YAP1: variants seen among roughly 807,000 people sequenced by gnomAD.
The protein encoded by YAP1 is transcriptional coactivator YAP1.
In YAP1, 5 loss-of-function variants were observed where a neutral mutation model predicts 56.9. That is an observed-to-expected ratio of 0.09 (90% CI 0.05 to 0.18). YAP1 has a LOEUF of 0.18. Ranked by LOEUF, YAP1 falls within the 10% of genes least tolerant of loss-of-function variation. YAP1 has a pLI of 1.00. For missense variants in YAP1, 539 were observed against 651.8 expected, an observed-to-expected ratio of 0.83 and a Z score of 1.88; for synonymous variants, 265 against 248.1, an observed-to-expected ratio of 1.07 and a Z score of -0.64.
intron 5 of YAP1, 82 bp downstream of exon 5, chr11:102,206,156 A>G (rs1003469206): frequency 1.3e-6 from 2 of 1,494,532 alleles, no homozygotes; most frequent in Admixed American, 1.9e-5. Flanking sequence ...TTTAACATTT[A>G]TTAGTTACAG....
chr11:102,216,966 TTG>T (rs1272270054), intron 6 of YAP1, among the ~76,000 whole-genome samples: 1 of 152,226 alleles, frequency 6.6e-6, no homozygotes, highest in South Asian at 2.1e-4. Context: ...CCCATTGAGC[TTG>T]TAAATCTTAG....
chr11:102,212,516 C>G (rs1393087378), intron 6 of YAP1, among the ~76,000 whole-genome samples: 1 of 152,152 alleles, frequency 6.6e-6, no homozygotes, highest in Admixed American at 6.5e-5. Context: ...ATTTATTATA[C>G]TATGTTGGCA....
At chr11:102,114,539 A>T in intron 2 of YAP1, 145 bp downstream of exon 2, 1 of 1,057,368 alleles carries the variant, frequency 9.5e-7, no homozygotes, top group Non-Finnish European at 1.3e-6. Flanking sequence ...TATCTTCCAT[A>T]TATATGTTTC....
intron 2 of YAP1, among the ~76,000 whole-genome samples, chr11:102,148,215 T>G (rs556289837): frequency 2.9e-4 from 44 of 152,290 alleles, no homozygotes; most frequent in Non-Finnish European, 3.8e-4. Flanking sequence ...TTAGTTGACT[T>G]GTAAGAGATT....
chr11:102,187,683 GAA>G (rs938397890), intron 4 of YAP1, among the ~76,000 whole-genome samples: 19 of 151,974 alleles, frequency 1.3e-4, no homozygotes, highest in African/African-American at 4.6e-4. Context: ...GCTTTTTAAA[GAA>G]AAAAATTTTT....
intron 6 of YAP1, among the ~76,000 whole-genome samples, chr11:102,215,432 A>G (rs1323399037): frequency 2.6e-5 from 4 of 152,228 alleles, no homozygotes; most frequent in South Asian, 2.1e-4. Context: ...GCTTTAAGAA[A>G]GTAACACTGA....
intron 3 of YAP1, among the ~76,000 whole-genome samples, chr11:102,175,544 A>T (rs751174019): frequency 6.6e-6 from 1 of 152,326 alleles, no homozygotes; most frequent in East Asian, 1.9e-4. Context: ...AATGACTGGG[A>T]TAAGTTCTGA....
At chr11:102,210,012 C>G (rs1377085759) in intron 6 of YAP1, among the ~76,000 whole-genome samples, 1 of 152,138 alleles carries the variant, frequency 6.6e-6, no homozygotes, top group Non-Finnish European at 1.5e-5. Flanking sequence ...AAAATTCTTT[C>G]TAGTGGACAT....
At chr11:102,159,306 G>C (rs1382620836) in intron 2 of YAP1, among the ~76,000 whole-genome samples, 2 of 152,124 alleles carry the variant, frequency 1.3e-5, no homozygotes, top group Non-Finnish European at 2.9e-5. Flanking sequence ...GCAGCAGGAG[G>C]GTCTCCGTTC....
chr11:102,181,680 G>A (rs777463440), intron 3 of YAP1, among the ~76,000 whole-genome samples: 1 of 152,178 alleles, frequency 6.6e-6, no homozygotes, highest in African/African-American at 2.4e-5. Flanking sequence ...CCTAGCAGAC[G>A]TGACTGTGTA....
intron 8 of YAP1, among the ~76,000 whole-genome samples, chr11:102,228,527 CG>C (rs1565292472): frequency 2.7e-5 from 4 of 148,020 alleles, no homozygotes; most frequent in East Asian, 2.1e-4. Flanking sequence ...CCCAGCTACT[CG>C]GGAGACTGAG....
rs139118213 is a variant in YAP1, at chr11:102,199,583, C to T, written c.803-6310C>T. ...TAATAAGGCTTTGAACAAGCTGGAG[C>T]AGTATGTCATGTTTTGACATCCCTT... is the stretch of plus-strand genomic sequence containing the variant. On this transcript the variant is annotated intron_variant, in intron 4 of 8. Transcript: ENST00000282441. Among the ~76,000 whole-genome samples the T allele has an allele frequency of 1.1e-3, 170 of 152,148 alleles. 1 individual carries two copies. The highest frequency in any genetic ancestry group is 3.4e-3 in the Middle Eastern group (1 of 294).
intron 6 of YAP1, among the ~76,000 whole-genome samples, chr11:102,212,561 CTTTTTATTTTTATTTTTA>C (rs57754436): frequency 1.0e-4 from 15 of 149,056 alleles, no homozygotes; most frequent in African/African-American, 2.2e-4. Flanking sequence ...CAGAGCTTAA[CTTTTTATTTTTATTTTTA>C]TTTTTATTTT....
chr11:102,195,282 T>C (rs1277992386), intron 4 of YAP1, among the ~76,000 whole-genome samples: 2 of 152,244 alleles, frequency 1.3e-5, no homozygotes, highest in Non-Finnish European at 2.9e-5. Context: ...GGATTTCTTT[T>C]TGTTTTCTTT....
intron 2 of YAP1, among the ~76,000 whole-genome samples, chr11:102,129,476 T>C (rs1344023677): frequency 6.6e-6 from 1 of 151,734 alleles, no homozygotes; most frequent in Non-Finnish European, 1.5e-5. Context: ...AAATTAGCTG[T>C]GCATGATGGT....
chr11:102,165,223 G>A (rs1412563436), intron 3 of YAP1, among the ~76,000 whole-genome samples: 3 of 151,922 alleles, frequency 2.0e-5, no homozygotes, highest in Non-Finnish European at 4.4e-5. Flanking sequence ...CTGTCATGGT[G>A]GTGCATAAGT....
intron 6 of YAP1, 137 bp downstream of exon 6, chr11:102,209,701 A>G (rs778766194): frequency 8.9e-5 from 69 of 776,938 alleles, no homozygotes; most frequent in Non-Finnish European, 1.3e-4. Context: ...TCTTTCTACC[A>G]AGATACTCAG....
At chr11:102,141,709 CA>C (rs1945034695) in intron 2 of YAP1, among the ~76,000 whole-genome samples, 1 of 152,108 alleles carries the variant, frequency 6.6e-6, no homozygotes, top group Admixed American at 6.6e-5. Context: ...AGTATTTCTG[CA>C]TTTGGTTAAA....
In YAP1 at chr11:102,220,478, G is replaced by A. The variant is rs375886941; in HGVS notation, c.1033-3144G>A. ...ATGAAAATGGAACAAATACACTTTG[G>A]CATTGCTTTGGGGTTGGGATTTGCT... On this transcript the variant is annotated intron_variant, in intron 6 of 8. Transcript: ENST00000282441. Among the ~76,000 whole-genome samples the A allele has an allele frequency of 1.2e-4, 19 of 152,134 alleles. No individual in the cohort carries two copies. The East Asian group carries it at 1.9e-3, about 15-fold the overall frequency.
Sources: allele counts gnomAD v4.1 joint callset (sites outside exome capture counted in the v4.1 genomes callset), GRCh38; gene constraint gnomAD v4.1.1; transcripts MANE v1.5; gene names NCBI Gene and HGNC (gene_info 2026-07-23, HGNC 2026-07-21).